ATXN1: variants seen among roughly 807,000 people sequenced by gnomAD.
The protein encoded by ATXN1 is ataxin 1.
Under a neutral mutation model 56.4 loss-of-function variants are expected in ATXN1, and 8 were observed. The ratio of observed to expected loss-of-function variants is 0.14; its 90% CI spans 0.08 to 0.26. ATXN1 has a LOEUF of 0.26. ATXN1 is among the 10% of genes least tolerant of loss of function. The pLI, the probability that ATXN1 is intolerant of heterozygous loss-of-function variation, is 1.00. For missense variants in ATXN1, 987 were observed against 1,106.5 expected, an observed-to-expected ratio of 0.89 and a Z score of 1.53; for synonymous variants, 514 against 494.6, an observed-to-expected ratio of 1.04 and a Z score of -0.52.
chr6:16,643,499 C>T (rs1581324610), intron 3 of ATXN1, among the ~76,000 whole-genome samples: 1 of 151,626 alleles, frequency 6.6e-6, no homozygotes, highest in South Asian at 2.1e-4. Context: ...TGTTGTCGTG[C>T]ACACATGTAA....
chr6:16,568,911 C>T (rs1423586925), intron 4 of ATXN1, among the ~76,000 whole-genome samples: 2 of 152,158 alleles, frequency 1.3e-5, no homozygotes, highest in Non-Finnish European at 2.9e-5. Context: ...TGACCAAGCT[C>T]TGGGTATACA....
At chr6:16,591,892 T>C (rs1762729605) in intron 3 of ATXN1, among the ~76,000 whole-genome samples, 1 of 152,186 alleles carries the variant, frequency 6.6e-6, no homozygotes, top group Non-Finnish European at 1.5e-5. Flanking sequence ...ATGAAACTCT[T>C]AGCGTTTTCA....
intron 6 of ATXN1, among the ~76,000 whole-genome samples, chr6:16,336,750 T>C (rs889224965): frequency 6.6e-6 from 1 of 152,104 alleles, no homozygotes; most frequent in Non-Finnish European, 1.5e-5. Flanking sequence ...AAGACCTTCC[T>C]GGGGGTGGTT....
intron 6 of ATXN1, among the ~76,000 whole-genome samples, chr6:16,421,764 ATACAAG>A (rs944653666): frequency 5.3e-4 from 80 of 152,284 alleles, no homozygotes; most frequent in African/African-American, 1.8e-3. Flanking sequence ...GTGAGTGTGC[ATACAAG>A]TACATGTGCA....
At chr6:16,585,512 A>T (rs1412618693) in intron 4 of ATXN1, among the ~76,000 whole-genome samples, 1 of 152,202 alleles carries the variant, frequency 6.6e-6, no homozygotes, top group East Asian at 1.9e-4. Context: ...AAATTTATAA[A>T]TGCCTTCAGA....
chr6:16,415,452 A>T (rs1196453534), intron 6 of ATXN1, among the ~76,000 whole-genome samples: 7 of 152,078 alleles, frequency 4.6e-5, no homozygotes, highest in African/African-American at 1.7e-4. Flanking sequence ...ATGGTCTCGA[A>T]CTCCTGACCT....
At chr6:16,369,704 G>C (rs1762000477) in intron 6 of ATXN1, among the ~76,000 whole-genome samples, 1 of 152,186 alleles carries the variant, frequency 6.6e-6, no homozygotes, top group South Asian at 2.1e-4. Context: ...CTACTTAAAT[G>C]CTAGCTTACC....
rs144713242 is a variant in ATXN1, at chr6:16,355,743, T to C, written c.-160-27273A>G. On this transcript the variant is annotated intron_variant, in intron 6 of 7. Coordinates refer to ENST00000436367, the MANE Select transcript of ATXN1 (RefSeq NM_001128164.2). Reference sequence around the variant, plus strand: ...CGCCCGGCTAATTTTTTTCTATTTTTAGTAGAGACGGGGTTTCACCGTATT... The same window carrying C: ...CGCCCGGCTAATTTTTTTCTATTTTCAGTAGAGACGGGGTTTCACCGTATT... Among the ~76,000 whole-genome samples, 131 of 152,288 alleles carry C rather than the reference T, an allele frequency of 8.6e-4. No individual in the cohort carries two copies. The East Asian group carries it at 0.016, about 19-fold the overall frequency.
chr6:16,313,644 C>A (rs1459897089), intron 7 of ATXN1, among the ~76,000 whole-genome samples: 3 of 151,716 alleles, frequency 2.0e-5, no homozygotes, highest in Non-Finnish European at 4.4e-5. Flanking sequence ...GCAATCTCTG[C>A]CTCCTGGATT....
intron 6 of ATXN1, among the ~76,000 whole-genome samples, chr6:16,334,835 G>A (rs1761080575): frequency 6.6e-6 from 1 of 152,232 alleles, no homozygotes; most frequent in African/African-American, 2.4e-5. Flanking sequence ...GATGGGGCAT[G>A]TCTAGGGGGA....
intron 6 of ATXN1, among the ~76,000 whole-genome samples, chr6:16,368,343 C>CTTCTTTTTTTTTTTTTTTTTTTTTTT (rs1354007963): frequency 1.3e-5 from 1 of 75,872 alleles, no homozygotes; most frequent in African/African-American, 3.9e-5. Flanking sequence ...ACTTCTTCTT[C>CTTCTTTTTTTTTTTTTTTTTTTTTTT]TTTTTTTTTT....
chr6:16,307,948 G>A (rs1327016878), intron 7 of ATXN1, among the ~76,000 whole-genome samples: 1 of 152,160 alleles, frequency 6.6e-6, no homozygotes, highest in African/African-American at 2.4e-5. Flanking sequence ...GAGGTCAGGA[G>A]TTTGAGACCA....
chr6:16,662,420 C>T (rs1023256179), intron 2 of ATXN1, among the ~76,000 whole-genome samples: 4 of 152,144 alleles, frequency 2.6e-5, no homozygotes, highest in Non-Finnish European at 4.4e-5. Context: ...GCAACCTCTG[C>T]CTCTCAGGTT....
intron 6 of ATXN1, among the ~76,000 whole-genome samples, chr6:16,445,256 T>A (rs776865286): frequency 6.6e-6 from 1 of 152,146 alleles, no homozygotes; most frequent in African/African-American, 2.4e-5. Flanking sequence ...GATGATGATG[T>A]TGTAGTTGTG....
intron 5 of ATXN1, among the ~76,000 whole-genome samples, chr6:16,501,691 A>G (rs1040535574): frequency 6.6e-6 from 1 of 151,984 alleles, no homozygotes; most frequent in Non-Finnish European, 1.5e-5. Context: ...CATGGTGTAT[A>G]TTTACCACAT....
chr6:16,462,849 T>C (rs1015317354), intron 6 of ATXN1, among the ~76,000 whole-genome samples: 32 of 152,118 alleles, frequency 2.1e-4, no homozygotes, highest in Non-Finnish European at 1.0e-4. Context: ...CAAACCGCTC[T>C]ATTCAGATGG....
chr6:16,731,865 C>T (rs1378801306), intron 2 of ATXN1, among the ~76,000 whole-genome samples: 1 of 151,938 alleles, frequency 6.6e-6, no homozygotes, highest in Non-Finnish European at 1.5e-5. Context: ...ACACTCTACA[C>T]ATTTCCTGTG....
chr6:16,434,647 C>T (rs1759351544), intron 6 of ATXN1, among the ~76,000 whole-genome samples: 1 of 152,124 alleles, frequency 6.6e-6, no homozygotes, highest in Non-Finnish European at 1.5e-5. Context: ...CTTCATTCTC[C>T]CTTGATCTCA....
intron 6 of ATXN1, among the ~76,000 whole-genome samples, chr6:16,399,722 C>T (rs963578539): frequency 6.6e-6 from 1 of 152,134 alleles, no homozygotes; most frequent in African/African-American, 2.4e-5. Flanking sequence ...CAGCATCCAG[C>T]GCATAGAGGC....
Sources: allele counts gnomAD v4.1 joint callset (sites outside exome capture counted in the v4.1 genomes callset), GRCh38; gene constraint gnomAD v4.1.1; transcripts MANE v1.5; gene names NCBI Gene and HGNC (gene_info 2026-07-23, HGNC 2026-07-21).